SLC2A9: variants seen among roughly 807,000 people sequenced by gnomAD.
SLC2A9 encodes the protein solute carrier family 2, facilitated glucose transporter member 9.
Under a neutral mutation model 50.6 loss-of-function variants are expected in SLC2A9, and 39 were observed. That is an observed-to-expected ratio of 0.77 (90% CI 0.60 to 1.01). SLC2A9 has a LOEUF of 1.01. Ranked by LOEUF, SLC2A9 falls within the 50% of genes least tolerant of loss-of-function variation. SLC2A9 has a pLI of 0.00. For synonymous variants in SLC2A9, 324 were observed against 276.9 expected, an observed-to-expected ratio of 1.17 and a Z score of -1.69; for missense variants, 686 against 677.6, an observed-to-expected ratio of 1.01 and a Z score of -0.14.
chr4:9,771,768 T>C (rs1378757609), intron 1 of SLC2A9, among the ~76,000 whole-genome samples: 1 of 151,882 alleles, frequency 6.6e-6, no homozygotes, highest in Non-Finnish European at 1.5e-5. Flanking sequence ...TACCCTGGAG[T>C]CTTGAGGAGA....
At chr4:9,845,957 A>AT (rs1728921555) in intron 10 of SLC2A9, among the ~76,000 whole-genome samples, 1 of 152,184 alleles carries the variant, frequency 6.6e-6, no homozygotes, top group Admixed American at 6.5e-5. Context: ...TCGTTCATCC[A>AT]TTTCCATCCG....
chr4:9,848,854 G>A (rs989499373), intron 10 of SLC2A9, among the ~76,000 whole-genome samples: 8 of 151,974 alleles, frequency 5.3e-5, no homozygotes, highest in Admixed American at 4.6e-4. Flanking sequence ...ACAGGCACCC[G>A]CTACCACGCC....
intron 3 of SLC2A9, among the ~76,000 whole-genome samples, chr4:9,787,844 G>A (rs1250515970): frequency 6.6e-6 from 1 of 152,172 alleles, no homozygotes; most frequent in Non-Finnish European, 1.5e-5. Context: ...TGTAGCTCAT[G>A]GCATGAGGGG....
At chr4:9,887,501 G>A (rs768154877) in intron 10 of SLC2A9, 66 bp downstream of exon 10, 24 of 1,469,934 alleles carry the variant, frequency 1.6e-5, no homozygotes, top group Middle Eastern at 2.3e-4. Context: ...TGTATGAGGA[G>A]AGCCCCCCAG....
intron 6 of SLC2A9, among the ~76,000 whole-genome samples, chr4:9,941,423 G>A (rs964662120): frequency 2.6e-5 from 4 of 152,198 alleles, no homozygotes; most frequent in Admixed American, 1.3e-4. Flanking sequence ...GTGGGTCATT[G>A]TGAAGAAGCA....
downstream of SLC2A9, among the ~76,000 whole-genome samples, chr4:9,776,390 G>A (rs1008361116): frequency 6.6e-6 from 1 of 151,940 alleles, no homozygotes; most frequent in Non-Finnish European, 1.5e-5. Context: ...ATACCCCACT[G>A]TTGCTCTAAC....
chr4:9,835,914 C>T (rs1726998113), intron 10 of SLC2A9, among the ~76,000 whole-genome samples: 1 of 151,712 alleles, frequency 6.6e-6, no homozygotes, highest in Non-Finnish European at 1.5e-5. Flanking sequence ...TGGTGAAACC[C>T]CATCTCTACT....
At chr4:10,019,362 C>A (rs191262620) in intron 1 of SLC2A9, 1 of 506,896 alleles carries the variant, frequency 2.0e-6, no homozygotes, top group Non-Finnish European at 3.6e-6. Context: ...CTGCTCTGGG[C>A]AGCTCCACAC....
At chr4:9,992,251 A>G (rs1487934733) in intron 3 of SLC2A9, among the ~76,000 whole-genome samples, 3 of 152,200 alleles carry the variant, frequency 2.0e-5, no homozygotes, top group Non-Finnish European at 2.9e-5. Context: ...AAAATCACTC[A>G]TCATTCTCAA....
At chr4:9,779,333 C>T (rs1335793234), downstream of SLC2A9, among the ~76,000 whole-genome samples, 2 of 152,086 alleles carry the variant, frequency 1.3e-5, no homozygotes, top group South Asian at 2.1e-4. Flanking sequence ...AGGCTGTGAA[C>T]TTTCCCTTCA....
chr4:9,964,708 A>G (rs1752795279), intron 5 of SLC2A9, among the ~76,000 whole-genome samples: 1 of 152,232 alleles, frequency 6.6e-6, no homozygotes, highest in African/African-American at 2.4e-5. Flanking sequence ...TAAGTCAAAA[A>G]GTTCACAGAA....
At chr4:9,771,366 G>T (rs1468341771) in exon 2 of SLC2A9, 2 of 395,908 alleles carry the variant, frequency 5.1e-6, no homozygotes, top group Non-Finnish European at 8.9e-6. Flanking sequence ...TTGACATGAG[G>T]TCACTGCAGA....
chr4:9,972,474 C>G (rs1350828264), intron 5 of SLC2A9, among the ~76,000 whole-genome samples: 1 of 152,100 alleles, frequency 6.6e-6, no homozygotes, highest in East Asian at 1.9e-4. Flanking sequence ...GCATTAATTC[C>G]TACATTTATT....
At chr4:9,908,837 G>C (rs1224029104) in intron 7 of SLC2A9, among the ~76,000 whole-genome samples, 1 of 152,122 alleles carries the variant, frequency 6.6e-6, no homozygotes, top group Non-Finnish European at 1.5e-5. Flanking sequence ...TGTTGGTGGG[G>C]CTTCCAGGAA....
intron 5 of SLC2A9, among the ~76,000 whole-genome samples, chr4:9,949,465 C>G (rs555129516): frequency 2.0e-5 from 3 of 152,156 alleles, no homozygotes; most frequent in Non-Finnish European, 4.4e-5. Context: ...AATATTTTCC[C>G]ACAAAGTATT....
At chr4:9,975,420 C>A (rs558509289) in intron 5 of SLC2A9, among the ~76,000 whole-genome samples, 3 of 152,188 alleles carry the variant, frequency 2.0e-5, no homozygotes, top group Admixed American at 1.3e-4. Flanking sequence ...AAACAAATAA[C>A]CCCATTAAAA....
intron 3 of SLC2A9, among the ~76,000 whole-genome samples, chr4:9,988,884 C>T (rs1000144750): frequency 2.0e-5 from 3 of 152,182 alleles, no homozygotes; most frequent in Non-Finnish European, 4.4e-5. Context: ...AGCCACCTTC[C>T]TTCATGCCAT....
At chr4:9,782,472 A>G in intron 3 of SLC2A9, 1 of 1,613,924 alleles carries the variant, frequency 6.2e-7, no homozygotes, top group Non-Finnish European at 8.5e-7. Context: ...CCCTTCCGCT[A>G]CAAGCGCAAG....
chr4:9,962,724 A>C (rs1163364673), intron 5 of SLC2A9, among the ~76,000 whole-genome samples: 7 of 152,118 alleles, frequency 4.6e-5, no homozygotes, highest in Non-Finnish European at 8.8e-5. Context: ...CTTAAAATAA[A>C]ACTTAAAAAA....
Sources: gnomAD v4.1 joint callset for allele counts (sites outside exome capture counted in the v4.1 genomes callset) on GRCh38, gnomAD v4.1.1 for gene constraint, MANE v1.5 for transcripts, NCBI Gene and HGNC (gene_info 2026-07-23, HGNC 2026-07-21) for gene names.